The following PDE4B variants were observed in gnomAD, a reference collection of about 807,000 sequenced individuals.
PDE4B encodes 3',5'-cyclic-AMP phosphodiesterase 4B.
Under a neutral mutation model 82.2 loss-of-function variants are expected in PDE4B, and 20 were observed. That is an observed-to-expected ratio of 0.24 (90% CI 0.17 to 0.35). PDE4B has a LOEUF of 0.35. PDE4B is among the 10% of genes least tolerant of loss of function. The pLI is 1.00. For synonymous variants in PDE4B, 320 were observed against 318.9 expected (o/e 1.00, Z -0.04); for missense variants, 655 against 907.2 (o/e 0.72, Z 3.57).
chr1:66,177,880 G>A (rs183719722), intron 3 of PDE4B, among the ~76,000 whole-genome samples: 2 of 152,066 alleles, frequency 1.3e-5, no homozygotes, highest in East Asian at 1.9e-4. Context: ...GGCTTTGGTG[G>A]GCATTGTTTT....
chr1:66,042,049 A>T (rs893112027), intron 3 of PDE4B, among the ~76,000 whole-genome samples: 1 of 151,936 alleles, frequency 6.6e-6, no homozygotes, highest in Non-Finnish European at 1.5e-5. Flanking sequence ...AAGTTTAAAG[A>T]TATATTTAAT....
At chr1:65,856,819 T>C (rs1646398624) in intron 1 of PDE4B, among the ~76,000 whole-genome samples, 1 of 152,160 alleles carries the variant, frequency 6.6e-6, no homozygotes. Context: ...AGCATTGAGA[T>C]AGAGATTCTT....
intron 1 of PDE4B, among the ~76,000 whole-genome samples, chr1:65,899,299 T>TA (rs1048974523): frequency 1.3e-5 from 2 of 151,278 alleles, no homozygotes; most frequent in African/African-American, 4.9e-5. Context: ...ATGGCCATAA[T>TA]AAAAAAAATA....
At chr1:66,024,122 A>G (rs1236965831) in intron 3 of PDE4B, among the ~76,000 whole-genome samples, 1 of 152,096 alleles carries the variant, frequency 6.6e-6, no homozygotes, top group Non-Finnish European at 1.5e-5. Flanking sequence ...GACTGTCCAT[A>G]CAAGTATCCT....
chr1:66,222,472 T>C (rs994593902), intron 3 of PDE4B, among the ~76,000 whole-genome samples: 2 of 152,250 alleles, frequency 1.3e-5, no homozygotes, highest in Admixed American at 1.3e-4. Context: ...GATTCCTTTC[T>C]ACTATCTTCC....
chr1:65,981,164 T>G (rs1650665922), intron 3 of PDE4B, among the ~76,000 whole-genome samples: 1 of 152,106 alleles, frequency 6.6e-6, no homozygotes, highest in African/African-American at 2.4e-5. Flanking sequence ...CTATAATACT[T>G]AAGGTAAAGA....
intron 3 of PDE4B, among the ~76,000 whole-genome samples, chr1:65,943,066 T>C (rs1233918255): frequency 6.6e-6 from 1 of 151,974 alleles, no homozygotes; most frequent in East Asian, 1.9e-4. Context: ...TTCAGGTTTA[T>C]ACCTAAAAAA....
At chr1:66,025,806 C>G (rs1168673551) in intron 3 of PDE4B, among the ~76,000 whole-genome samples, 1 of 152,170 alleles carries the variant, frequency 6.6e-6, no homozygotes, top group East Asian at 1.9e-4. Context: ...TACTTAGGTA[C>G]AGTAAAAATT....
intron 1 of PDE4B, among the ~76,000 whole-genome samples, chr1:65,843,650 T>C (rs1245785807): frequency 1.3e-5 from 2 of 152,154 alleles, no homozygotes; most frequent in African/African-American, 4.8e-5. Flanking sequence ...TTGAATTAAG[T>C]CAGTAGGTGT....
chr1:66,297,315 T>C (rs995814555), intron 7 of PDE4B, among the ~76,000 whole-genome samples: 1 of 152,178 alleles, frequency 6.6e-6, no homozygotes, highest in African/African-American at 2.4e-5. Flanking sequence ...TTCACTTGGG[T>C]CTTTCCCATG....
At chr1:66,007,819 C>T (rs1480625654) in intron 3 of PDE4B, among the ~76,000 whole-genome samples, 2 of 152,124 alleles carry the variant, frequency 1.3e-5, no homozygotes, top group African/African-American at 4.8e-5. Flanking sequence ...ATTTAGTCTT[C>T]ATCTCCATTT....
intron 1 of PDE4B, among the ~76,000 whole-genome samples, chr1:65,816,928 A>G (rs1435771717): frequency 6.6e-6 from 1 of 152,218 alleles, no homozygotes; most frequent in Non-Finnish European, 1.5e-5. Flanking sequence ...TTTGTAAAAA[A>G]GTATTATTAA....
chr1:66,032,524 T>G (rs1653836257), intron 3 of PDE4B, among the ~76,000 whole-genome samples: 2 of 152,228 alleles, frequency 1.3e-5, no homozygotes. Flanking sequence ...TTTGACAGTA[T>G]GTGCACGTAA....
intron 3 of PDE4B, among the ~76,000 whole-genome samples, chr1:66,084,514 T>C (rs565871811): frequency 6.6e-6 from 1 of 152,226 alleles, no homozygotes; most frequent in African/African-American, 2.4e-5. Flanking sequence ...AATGACATCA[T>C]AGCAACAAAG....
intron 3 of PDE4B, among the ~76,000 whole-genome samples, chr1:65,983,723 G>T (rs1650806875): frequency 6.6e-6 from 1 of 152,126 alleles, no homozygotes; most frequent in Non-Finnish European, 1.5e-5. Flanking sequence ...GATTTTGGAA[G>T]TCTAGCTTCC....
chr1:66,188,332 C>T (rs1647378904), intron 3 of PDE4B, among the ~76,000 whole-genome samples: 1 of 150,642 alleles, frequency 6.6e-6, no homozygotes, highest in African/African-American at 2.4e-5. Context: ...GTGGAGAGTT[C>T]TGTAGATAGC....
chr1:65,831,944 C>T (rs566459046), intron 1 of PDE4B, among the ~76,000 whole-genome samples: 1 of 152,236 alleles, frequency 6.6e-6, no homozygotes, highest in East Asian at 1.9e-4. Context: ...CTGGGGGTAT[C>T]ACTTAAACAA....
In PDE4B at chr1:66,115,964, A is replaced by G. The variant is rs573306344; in HGVS notation, c.282-131496A>G. Among the ~76,000 whole-genome samples, 6 of 152,258 alleles carry G rather than the reference A, an allele frequency of 3.9e-5. No individual in the cohort carries two copies. The South Asian group carries it at 1.0e-3, about 26-fold the overall frequency. On this transcript the variant is annotated intron_variant, in intron 3 of 16. Coordinates refer to ENST00000341517, the MANE Select transcript of PDE4B (RefSeq NM_002600.4). ...TAATACTTTATCTTACAGTTTTAGCATTGGCAACATTCTATTTCTTTTATA... is the reference window on the plus strand; with the variant it reads ...TAATACTTTATCTTACAGTTTTAGCGTTGGCAACATTCTATTTCTTTTATA...
chr1:65,835,000 G>A (rs1646124652), intron 1 of PDE4B, among the ~76,000 whole-genome samples: 1 of 152,088 alleles, frequency 6.6e-6, no homozygotes, highest in African/African-American at 2.4e-5. Flanking sequence ...CAACGCCTCT[G>A]GAATTTAACC....
Sources: allele counts gnomAD v4.1 joint callset (sites outside exome capture counted in the v4.1 genomes callset), GRCh38; gene constraint gnomAD v4.1.1; transcripts MANE v1.5; gene names NCBI Gene and HGNC (gene_info 2026-07-23, HGNC 2026-07-21).